The following SNX8 variants were observed in gnomAD, a reference collection of about 807,000 sequenced individuals.
The protein encoded by SNX8 is sorting nexin-8.
In SNX8, 25 loss-of-function variants were observed where a neutral mutation model predicts 51.6. The ratio of observed to expected loss-of-function variants is 0.48; its 90% confidence interval spans 0.35 to 0.68. SNX8 has a LOEUF of 0.68. SNX8 is among the 30% of genes least tolerant of loss of function. SNX8 has a pLI of 0.00. For missense variants in SNX8, 695 were observed against 624.0 expected (o/e 1.11, Z -1.21); for synonymous variants, 324 against 277.0 (o/e 1.17, Z -1.68).
chr7:2,283,337 G>A (rs544408029), intron 1 of SNX8, among the ~76,000 whole-genome samples: 2 of 152,178 alleles, frequency 1.3e-5, no homozygotes, highest in African/African-American at 4.8e-5. Flanking sequence ...GGACTGGCCC[G>A]CACACTACTT....
intron 1 of SNX8, among the ~76,000 whole-genome samples, chr7:2,324,471 A>G (rs1778592679): frequency 6.6e-6 from 1 of 151,786 alleles, no homozygotes; most frequent in Non-Finnish European, 1.5e-5. Flanking sequence ...TTTGTATTTT[A>G]GTAGAGACAG....
rs1584659175 is a variant in SNX8 at position 2,255,180 on chromosome 7, A to T, written c.1285-11T>A. On this transcript the variant is annotated splice_polypyrimidine_tract_variant and intron_variant, in intron 10 of 10. Transcript: ENST00000222990. The stretch of plus-strand genomic sequence containing the variant: ...CCACACCTTGCTCATCTGAAAGGGA[A>T]GCGAAGAGAACAAGATCAGCAGGCG... 2 of 1,507,304 alleles carry T rather than the reference A, an allele frequency of 1.3e-6. No homozygotes were observed. Among genetic ancestry groups the T allele is most frequent in the Non-Finnish European group, 1.8e-6 (2 of 1,114,442 alleles). The allele number at this position is 1,507,304 out of a possible 1,614,324, so 93.4% of individuals were successfully genotyped here. A position where few individuals can be genotyped will look rare whatever the true frequency, so the allele number is the denominator to read the frequency against.
At chr7:2,322,106 A>C (rs1047891259) in intron 1 of SNX8, among the ~76,000 whole-genome samples, 1 of 152,160 alleles carries the variant, frequency 6.6e-6, no homozygotes, top group Non-Finnish European at 1.5e-5. Context: ...TTTGATTCAC[A>C]TGTAGTGCTT....
intron 3 of SNX8, among the ~76,000 whole-genome samples, chr7:2,273,149 T>C (rs979322669): frequency 1.3e-5 from 2 of 152,056 alleles, no homozygotes; most frequent in Non-Finnish European, 1.5e-5. Flanking sequence ...AATACTATTT[T>C]TAATGTATTA....
At chr7:2,295,645 G>A (rs1796258520) in intron 1 of SNX8, among the ~76,000 whole-genome samples, 1 of 151,342 alleles carries the variant, frequency 6.6e-6, no homozygotes, top group Non-Finnish European at 1.5e-5. Flanking sequence ...TGCTTTTGGG[G>A]CCTTGGGCAT....
intron 1 of SNX8, among the ~76,000 whole-genome samples, chr7:2,285,585 A>G (rs2115154621): frequency 6.6e-6 from 1 of 152,326 alleles, no homozygotes; most frequent in South Asian, 2.1e-4. Flanking sequence ...TACAGGTAAC[A>G]CACTTCACCC....
intron 2 of SNX8, among the ~76,000 whole-genome samples, chr7:2,277,675 C>T (rs933533850): frequency 7.9e-5 from 12 of 151,886 alleles, no homozygotes; most frequent in Admixed American, 2.6e-4. Flanking sequence ...GGCGTGGTGG[C>T]GGGCACCTGT....
At chr7:2,338,475 A>T (rs1368614055) in intron 1 of SNX8, among the ~76,000 whole-genome samples, 1 of 151,772 alleles carries the variant, frequency 6.6e-6, no homozygotes, top group African/African-American at 2.4e-5. Context: ...AAAAAAAAAA[A>T]AATACAAAAA....
At position 2,353,574 on chromosome 7, in the gene SNX8, G is replaced by A. The variant is rs117840640; in HGVS notation, c.-66+648C>T. Among the ~76,000 whole-genome samples the A allele has an allele frequency of 3.4e-3, 515 of 152,074 alleles. 6 individuals carry two copies. Among genetic ancestry groups the A allele is most frequent in the East Asian group, 0.024 (126 of 5,152 alleles). On this transcript the variant is annotated intron_variant, in intron 1 of 5. Transcript: ENST00000435336. ...TGGGAAGAGAGGTGTGAGCCACCGC[G>A]CAGGGCCTAGCCATTTTAATATGAA...
At chr7:2,265,526 C>G (rs1795443392) in intron 5 of SNX8, among the ~76,000 whole-genome samples, 1 of 150,656 alleles carries the variant, frequency 6.6e-6, no homozygotes, top group Non-Finnish European at 1.5e-5. Flanking sequence ...GCCTGTGGTC[C>G]CAGGTGCTTA....
At chr7:2,291,754 G>A (rs140585064) in intron 1 of SNX8, among the ~76,000 whole-genome samples, 1 of 152,218 alleles carries the variant, frequency 6.6e-6, no homozygotes, top group Non-Finnish European at 1.5e-5. Context: ...CCGGTTAAGG[G>A]TCTATCAGTC....
At chr7:2,322,869 A>AT (rs1261738357) in intron 1 of SNX8, among the ~76,000 whole-genome samples, 1 of 150,272 alleles carries the variant, frequency 6.7e-6, no homozygotes, top group Admixed American at 6.7e-5. Context: ...ATAAAAAAAA[A>AT]ATCCGGGCGT....
chr7:2,313,415 A>G (rs2115212742), intron 1 of SNX8, among the ~76,000 whole-genome samples: 1 of 151,436 alleles, frequency 6.6e-6, no homozygotes, highest in South Asian at 2.1e-4. Flanking sequence ...AATCCCAGCT[A>G]CTCAGGAGGC....
At chr7:2,318,692 T>A (rs1236568066), upstream of SNX8, among the ~76,000 whole-genome samples, 5 of 149,446 alleles carry the variant, frequency 3.3e-5, no homozygotes, top group African/African-American at 1.2e-4. Flanking sequence ...GGAGACTTTG[T>A]CTCAAAAAAA....
intron 1 of SNX8, among the ~76,000 whole-genome samples, chr7:2,340,254 T>C (rs1172269743): frequency 6.6e-6 from 1 of 151,366 alleles, no homozygotes; most frequent in Non-Finnish European, 1.5e-5. Flanking sequence ...TTTTTTTTAT[T>C]ATAGATGGGG....
At chr7:2,351,700 A>G (rs13310848) in intron 1 of SNX8, among the ~76,000 whole-genome samples, 115,702 of 150,476 alleles carry the variant, frequency 0.77, 44,511 homozygotes, top group South Asian at 0.81. Flanking sequence ...GTGTGGTGGC[A>G]GGCGCCTGTA....
upstream of SNX8, chr7:2,314,450 C>G (rs1406926405): frequency 8.3e-7 from 1 of 1,202,842 alleles, no homozygotes; most frequent in Non-Finnish European, 1.0e-6. Flanking sequence ...GTGACTTCCT[C>G]CCGCGCCACC....
chr7:2,263,393 A>G (rs368872303), intron 6 of SNX8, 31 bp from the exon 7 acceptor site: 55 of 1,555,854 alleles, frequency 3.5e-5, no homozygotes, highest in East Asian at 3.3e-4. Context: ...GAGAGGAGAC[A>G]CTCAAGGCCT....
intron 1 of SNX8, among the ~76,000 whole-genome samples, chr7:2,301,419 G>T (rs191580602): frequency 0.014 from 2,139 of 152,288 alleles, 29 homozygotes; most frequent in Non-Finnish European, 0.024. Flanking sequence ...GGAATTCAAG[G>T]CTGAGCCGAT....
Sources: gnomAD v4.1 joint callset for allele counts (sites outside exome capture counted in the v4.1 genomes callset) on GRCh38, gnomAD v4.1.1 for gene constraint, MANE v1.5 for transcripts, NCBI Gene and HGNC (gene_info 2026-07-23, HGNC 2026-07-21) for gene names.